Variants in MCCC1 observed in about 807,000 individuals in gnomAD.
The protein encoded by MCCC1 is methylcrotonyl-CoA carboxylase subunit 1.
Under a neutral mutation model 83.8 loss-of-function variants are expected in MCCC1, and 64 were observed. The ratio of observed to expected loss-of-function variants is 0.76; its 90% CI spans 0.62 to 0.94. The LOEUF is 0.94. Ranked by LOEUF, MCCC1 falls within the 40% of genes least tolerant of loss-of-function variation. The pLI is 0.00. For synonymous variants in MCCC1, 322 were observed against 315.4 expected, an observed-to-expected ratio of 1.02 and a Z score of -0.22; for missense variants, 807 against 904.7, an observed-to-expected ratio of 0.89 and a Z score of 1.39.
chr3:183,024,408 A>G (rs2108444560), intron 15 of MCCC1, among the ~76,000 whole-genome samples: 1 of 152,296 alleles, frequency 6.6e-6, no homozygotes, highest in East Asian at 1.9e-4. Context: ...TAGGTTTTAC[A>G]ATTTTTTCAA....
At chr3:183,067,427 T>C (rs1278541117) in intron 7 of MCCC1, among the ~76,000 whole-genome samples, 1 of 152,272 alleles carries the variant, frequency 6.6e-6, no homozygotes, top group African/African-American at 2.4e-5. Flanking sequence ...TTATTCTTGC[T>C]GCACTTTGTA....
chr3:183,111,466 AT>A, intron 1 of MCCC1, among the ~76,000 whole-genome samples: 1 of 152,012 alleles, frequency 6.6e-6, no homozygotes, highest in East Asian at 1.9e-4. Flanking sequence ...CGCCTGGCTA[AT>A]TTTTGCATTT....
At chr3:183,057,160 G>A in intron 8 of MCCC1, 151 bp downstream of exon 8, 5 of 687,470 alleles carry the variant, frequency 7.3e-6, no homozygotes, top group Non-Finnish European at 1.3e-5. Flanking sequence ...CAATACCACA[G>A]GAGGTCTTTT....
upstream of MCCC1, among the ~76,000 whole-genome samples, chr3:183,103,183 G>A (rs1719346987): frequency 6.6e-6 from 1 of 152,080 alleles, no homozygotes; most frequent in South Asian, 2.1e-4. Flanking sequence ...GACCTTTGCA[G>A]TGTTACAGCT....
In MCCC1 at chr3:183,039,088, C is replaced by G. The variant is rs398124352; in HGVS notation, c.1315G>C (p.Val439Leu). The G allele has an allele frequency of 6.2e-7, 1 of 1,614,220 alleles. No individual in the cohort carries two copies. The change falls in exon 12 of 19, where the codon GTG becomes CTG. Residue 439 changes from valine to leucine, a missense_variant. Transcript: ENST00000265594. ...HYDPMIAKLV[V>L]WAADRQAALT... ...GCCGCCTGGCGATCTGCTGCCCACACGACCAGCTTCGCAATCATGGGGTCA... is the reference window on the plus strand; with the variant it reads ...GCCGCCTGGCGATCTGCTGCCCACAGGACCAGCTTCGCAATCATGGGGTCA...
At chr3:183,029,622 G>T (rs1330744588) in intron 14 of MCCC1, among the ~76,000 whole-genome samples, 1 of 152,182 alleles carries the variant, frequency 6.6e-6, no homozygotes. Flanking sequence ...ACTTAAAACA[G>T]TTGGTCATTC....
chr3:183,060,376 A>G (rs1311135338), intron 7 of MCCC1, among the ~76,000 whole-genome samples: 1 of 152,240 alleles, frequency 6.6e-6, no homozygotes, highest in Non-Finnish European at 1.5e-5. Flanking sequence ...ACAAAATTAT[A>G]GGAAAAAGAG....
intron 14 of MCCC1, among the ~76,000 whole-genome samples, chr3:183,032,571 G>A (rs992439743): frequency 6.6e-6 from 1 of 152,092 alleles, no homozygotes; most frequent in Non-Finnish European, 1.5e-5. Context: ...CAATAAACTT[G>A]TGTGAACAAA....
At chr3:183,099,669 G>A, upstream of MCCC1, 2 of 600,262 alleles carry the variant, frequency 3.3e-6, no homozygotes, top group South Asian at 3.9e-5. Flanking sequence ...ACGTGCTCGT[G>A]GGGGTGTGGC....
chr3:183,069,506 T>C (rs1716500544), intron 7 of MCCC1, among the ~76,000 whole-genome samples: 1 of 152,108 alleles, frequency 6.6e-6, no homozygotes, highest in Non-Finnish European at 1.5e-5. Context: ...CTTAATTGAA[T>C]TTCATTTACT....
intron 14 of MCCC1, among the ~76,000 whole-genome samples, chr3:183,028,774 T>C (rs148067722): frequency 1.0e-3 from 158 of 152,328 alleles, no homozygotes; most frequent in Middle Eastern, 6.8e-3. Context: ...AAATCTTTCA[T>C]GAAAGGAAGA....
At chr3:183,047,659 A>C (rs1249253101) in intron 9 of MCCC1, among the ~76,000 whole-genome samples, 1 of 151,256 alleles carries the variant, frequency 6.6e-6, no homozygotes, top group Non-Finnish European at 1.5e-5. Context: ...GAAATGCTAG[A>C]ATTGAAAAAA....
upstream of MCCC1, among the ~76,000 whole-genome samples, chr3:183,102,671 A>G (rs1719333105): frequency 6.6e-6 from 1 of 151,544 alleles, no homozygotes; most frequent in South Asian, 2.1e-4. Flanking sequence ...TAACACCAAA[A>G]TATTCCAAGT....
intron 8 of MCCC1, among the ~76,000 whole-genome samples, chr3:183,052,694 C>A (rs1045806165): frequency 6.6e-6 from 1 of 151,798 alleles, no homozygotes; most frequent in African/African-American, 2.4e-5. Flanking sequence ...CCTGTAGTCC[C>A]AGCTACTCAG....
intron 4 of MCCC1, among the ~76,000 whole-genome samples, chr3:183,077,653 G>A (rs1011898169): frequency 6.6e-6 from 1 of 152,044 alleles, no homozygotes; most frequent in African/African-American, 2.4e-5. Context: ...CTTTCTTATA[G>A]TATTATGTCT....
At chr3:183,039,194 C>T (rs879416424) in intron 11 of MCCC1, 59 bp from the exon 12 acceptor site, 75 of 1,465,404 alleles carry the variant, frequency 5.1e-5, no homozygotes, top group Admixed American at 4.7e-4. Context: ...TAAAATACAA[C>T]GAGCAAGACA....
chr3:183,018,519 C>G (rs995175310), intron 17 of MCCC1, among the ~76,000 whole-genome samples: 5 of 152,200 alleles, frequency 3.3e-5, no homozygotes, highest in Non-Finnish European at 7.3e-5. Context: ...ATGCACTAGT[C>G]AAATGAGAGC....
intron 3 of MCCC1, among the ~76,000 whole-genome samples, chr3:183,090,385 G>A (rs1718229009): frequency 6.6e-6 from 1 of 152,070 alleles, no homozygotes; most frequent in South Asian, 2.1e-4. Context: ...ACACAGGAAT[G>A]TCTCATTTTG....
Position 183,092,538 on chromosome 3 carries a change from G to A in MCCC1, c.144C>T (p.Asn48=), listed in dbSNP as rs77681010. 108 of 1,614,090 alleles carry A rather than the reference G, an allele frequency of 6.7e-5. 1 individual carries two copies. The East Asian group carries it at 2.3e-3, about 35-fold the overall frequency. Residue 48 remains asparagine (N), a synonymous_variant, in exon 3 of 19, where the codon AAC becomes AAT. Coordinates refer to ENST00000265594, the MANE Select transcript of MCCC1 (RefSeq NM_020166.5). The part of the protein sequence containing the change: ...TMKYTTATGR[N]ITKVLIANRG... ...TGTTTGCAATGAGGACCTTGGTAAT[G>A]TTTCTTCCTGTTTAAAACACCATGA...
Sources: allele counts gnomAD v4.1 joint callset (sites outside exome capture counted in the v4.1 genomes callset), GRCh38; gene constraint gnomAD v4.1.1; transcripts MANE v1.5; gene names NCBI Gene and HGNC (gene_info 2026-07-23, HGNC 2026-07-21).